APPL2: variants seen among roughly 807,000 people sequenced by gnomAD.
APPL2 encodes DCC-interacting protein 13-beta.
A neutral mutation model predicts 92.7 loss-of-function variants in APPL2; 84 were observed. That is an observed-to-expected ratio of 0.91 (90% confidence interval 0.76 to 1.09). The LOEUF (loss-of-function observed/expected upper bound fraction) is 1.09. Ranked by LOEUF, APPL2 falls within the 50% of genes least tolerant of loss-of-function variation. APPL2 has a pLI of 0.00. For synonymous variants in APPL2, 291 were observed against 291.0 expected, an observed-to-expected ratio of 1.00 and a Z score of 0.00; for missense variants, 736 against 824.5, an observed-to-expected ratio of 0.89 and a Z score of 1.31.
intron 1 of APPL2, among the ~76,000 whole-genome samples, chr12:105,233,610 T>G (rs941601359): frequency 3.3e-5 from 5 of 152,176 alleles, no homozygotes; most frequent in Non-Finnish European, 7.3e-5. Flanking sequence ...CAATAGATGG[T>G]TTATTAGGAT....
chr12:105,234,592 T>A (rs1159023290), intron 1 of APPL2, among the ~76,000 whole-genome samples: 1 of 152,242 alleles, frequency 6.6e-6, no homozygotes, highest in Non-Finnish European at 1.5e-5. Flanking sequence ...CATCACCATG[T>A]AGGTTAGAAA....
rs553904935 is a variant in APPL2, at chr12:105,221,949, C to A, written c.154-4224G>T. Among the ~76,000 whole-genome samples the A allele has an allele frequency of 1.0e-3, 157 of 152,346 alleles. 1 individual carries two copies. Among genetic ancestry groups the A allele is most frequent in the African/African-American group, 3.4e-3 (143 of 41,564 alleles). The stretch of plus-strand genomic sequence containing the variant: ...GGGCCTCTGTGCGCAGCAGCATCCA[C>A]GGTGAATATGAATGGAGAGGCTAGA... On this transcript the variant is annotated intron_variant, in intron 2 of 20. Transcript: ENST00000258530.
rs887802015 is a variant in APPL2, at chr12:105,209,178, T to C, written c.374-979A>G. 9.2e-5 allele frequency among the ~76,000 whole-genome samples: 14 copies of C among 152,254 alleles called. 2 individuals carry two copies. Among genetic ancestry groups the C allele is most frequent in the Admixed American group, 1.3e-4 (2 of 15,288 alleles). On this transcript the variant is annotated intron_variant, in intron 5 of 20. Coordinates refer to ENST00000258530, the MANE Select transcript of APPL2 (RefSeq NM_018171.5). ...TCTTGCGTTCTCTTCATTCAGATTA[T>C]GTACTTGTGTTGGTGAGTGAATAAA...
intron 2 of APPL2, among the ~76,000 whole-genome samples, chr12:105,225,757 GACAA>G (rs953127557): frequency 3.3e-5 from 5 of 152,298 alleles, no homozygotes; most frequent in Middle Eastern, 3.4e-3. Flanking sequence ...TAGAGGTTAA[GACAA>G]ACAAAATTTA....
rs557413786 is a variant in APPL2, at chr12:105,231,064, A to G, written c.55-1841T>C. Among the ~76,000 whole-genome samples the G allele has an allele frequency of 2.6e-5, 4 of 152,320 alleles. No homozygotes were observed. The South Asian group carries it at 8.3e-4, about 32-fold the overall frequency. On this transcript the variant is annotated intron_variant, in intron 1 of 20. Transcript: ENST00000258530. ...TGCATACACATTGTGGCTTTTTCCT[A>G]TTTTAGTCTATTCCATTTATAAACA...
At chr12:105,182,847 T>G (rs1423857230) in intron 17 of APPL2, among the ~76,000 whole-genome samples, 3 of 152,184 alleles carry the variant, frequency 2.0e-5, no homozygotes, top group Non-Finnish European at 4.4e-5. Flanking sequence ...ATATTGACAG[T>G]GGGGTGCTAA....
intron 20 of APPL2, 66 bp from the exon 21 acceptor site, chr12:105,174,514 C>T: frequency 6.5e-7 from 1 of 1,534,888 alleles, no homozygotes; most frequent in Non-Finnish European, 8.8e-7. Flanking sequence ...CCCCTTTGGC[C>T]TGGCTTTCAA....
At chr12:105,203,854 G>A in intron 8 of APPL2, 69 bp from the exon 9 acceptor site, 11 of 1,411,130 alleles carry the variant, frequency 7.8e-6, no homozygotes, top group Admixed American at 3.4e-5. Context: ...CTGAAGGTGA[G>A]ACAGGCAGCG....
At chr12:105,176,246 C>G (rs567526588) in intron 19 of APPL2, 164 bp from the exon 20 acceptor site, 1 of 612,668 alleles carries the variant, frequency 1.6e-6, no homozygotes, top group African/African-American at 2.0e-5. Flanking sequence ...GGGGCATTTG[C>G]GTCCAACTGT....
At chr12:105,182,912 C>T (rs1886245292) in intron 17 of APPL2, among the ~76,000 whole-genome samples, 1 of 151,830 alleles carries the variant, frequency 6.6e-6, no homozygotes, top group African/African-American at 2.4e-5. Context: ...TCTCTAAGAA[C>T]TTGTTTTACG....
chr12:105,181,735 T>C (rs1229303147), intron 17 of APPL2, among the ~76,000 whole-genome samples: 1 of 152,236 alleles, frequency 6.6e-6, no homozygotes, highest in African/African-American at 2.4e-5. Context: ...CTAGATTTTC[T>C]AGTTTATTTG....
chr12:105,222,147 A>G (rs886484152), intron 2 of APPL2, among the ~76,000 whole-genome samples: 3 of 152,174 alleles, frequency 2.0e-5, no homozygotes, highest in African/African-American at 7.2e-5. Flanking sequence ...TGTGGCAAGA[A>G]CGCGGCTGGA....
chr12:105,207,416 G>A (rs1298668554), intron 7 of APPL2, among the ~76,000 whole-genome samples: 1 of 152,246 alleles, frequency 6.6e-6, no homozygotes, highest in Non-Finnish European at 1.5e-5. Flanking sequence ...AGGCCGCGGT[G>A]AGGTGAAGCC....
At chr12:105,210,029 C>T (rs1039917673) in intron 5 of APPL2, among the ~76,000 whole-genome samples, 9 of 152,164 alleles carry the variant, frequency 5.9e-5, no homozygotes, top group Non-Finnish European at 1.0e-4. Context: ...GGCGCGATCT[C>T]GGCTCACTGC....
chr12:105,191,623 C>T (rs1195795613), intron 14 of APPL2, among the ~76,000 whole-genome samples: 2 of 152,102 alleles, frequency 1.3e-5, no homozygotes, highest in Non-Finnish European at 2.9e-5. Context: ...GTATAGGGAG[C>T]CACCAAAGAC....
At chr12:105,184,037 A>G (rs1418682122) in intron 17 of APPL2, among the ~76,000 whole-genome samples, 1 of 152,022 alleles carries the variant, frequency 6.6e-6, no homozygotes, top group Non-Finnish European at 1.5e-5. Flanking sequence ...CCTTTCTTCC[A>G]CTTGATCGAT....
At position 105,174,381 on chromosome 12, in the gene APPL2, A is replaced by T. The variant is rs748855976; in HGVS notation, c.1928T>A (p.Leu643Ter). Residue 643 changes from leucine to a stop codon, truncating the protein, a stop_gained, in exon 21 of 21, where the codon TTA becomes TAA. Coordinates refer to ENST00000258530, the MANE Select transcript of APPL2 (RefSeq NM_018171.5). LOFTEE classifies it high-confidence loss of function. The stretch of plus-strand genomic sequence containing the variant: ...ATCATCGTCATCTGGTTGATCGTTT[A>T]ACAGTACATATTTTCCGTCATTGGT... The part of the protein sequence containing the change: ...PLTNDGKYVL[L>*]NDQPDDDDGN... 1.2e-6 allele frequency: 2 copies of T among 1,614,028 alleles called. No individual in the cohort carries two copies. The highest frequency in any genetic ancestry group is 2.2e-5 in the South Asian group (2 of 91,066).
At chr12:105,200,871 TCTA>T (rs1888127684) in intron 9 of APPL2, among the ~76,000 whole-genome samples, 2 of 99,104 alleles carry the variant, frequency 2.0e-5, no homozygotes, top group Admixed American at 1.0e-4. Context: ...TATGTATCTA[TCTA>T]TCTATCTATC....
At chr12:105,198,467 G>A (rs1474732091) in intron 10 of APPL2, among the ~76,000 whole-genome samples, 1 of 152,170 alleles carries the variant, frequency 6.6e-6, no homozygotes, top group African/African-American at 2.4e-5. Flanking sequence ...ACAGAACCCG[G>A]TAGGTTTTCT....
Sources: allele counts gnomAD v4.1 joint callset (sites outside exome capture counted in the v4.1 genomes callset), GRCh38; gene constraint gnomAD v4.1.1; transcripts MANE v1.5; gene names NCBI Gene and HGNC (gene_info 2026-07-23, HGNC 2026-07-21).